The following USP22 variants were observed in gnomAD, a reference collection of about 807,000 sequenced individuals.
The protein encoded by USP22 is ubiquitin specific peptidase 22, also known as ubiquitin carboxyl-terminal hydrolase 22.
Under a neutral mutation model 68.1 loss-of-function variants are expected in USP22, and 22 were observed. The ratio of observed to expected loss-of-function variants is 0.32; its 90% confidence interval spans 0.23 to 0.46. The LOEUF is 0.46. Ranked by LOEUF, USP22 falls within the 20% of genes least tolerant of loss-of-function variation. The probability of loss-of-function intolerance (pLI) is 1.00; values close to 1 mark genes in which losing one functional copy is unlikely to be tolerated. For synonymous variants in USP22, 279 were observed against 274.2 expected (o/e 1.02, Z -0.17); for missense variants, 433 against 695.8 (o/e 0.62, Z 4.25).
intron 1 of USP22, among the ~76,000 whole-genome samples, chr17:21,034,694 C>T (rs1232451548): frequency 1.3e-5 from 2 of 151,978 alleles, no homozygotes; most frequent in Non-Finnish European, 2.9e-5. Flanking sequence ...GATGTGATCA[C>T]GGATAAAAGT....
chr17:21,028,737 C>T, intron 1 of USP22, 63 bp from the exon 2 acceptor site: 4 of 1,571,184 alleles, frequency 2.5e-6, no homozygotes, highest in Non-Finnish European at 3.4e-6. Flanking sequence ...TCAGAGGAAA[C>T]AGTCAAGCAA....
At chr17:21,036,521 G>C (rs538286874) in intron 1 of USP22, among the ~76,000 whole-genome samples, 1 of 19,714 alleles carries the variant, frequency 5.1e-5, no homozygotes, top group Non-Finnish European at 1.2e-4. Context: ...TGTACTGTAA[G>C]GGGGGGGGGG....
chr17:21,004,778 TGCGGGCAGCCAA>T lies in USP22; in HGVS notation c.1385+138_1385+149del. 1.3e-4 allele frequency: 11 copies of T among 86,516 alleles called. 2 individuals are homozygous for T. The highest frequency in any genetic ancestry group is 9.5e-4 in the South Asian group (2 of 2,096). The allele number at this position is 86,516 out of a possible 1,614,324, so 5.4% of individuals were successfully genotyped here. Reference sequence around the variant, plus strand: ...GTGGAGCGGCCTTTCCTAGTGGAGCTGCGGGCAGCCAATAGTGGAGCTGCGGGCAGCCAAGCG... The same window carrying T: ...GTGGAGCGGCCTTTCCTAGTGGAGCTTAGTGGAGCTGCGGGCAGCCAAGCG... On this transcript the variant is annotated intron_variant, in intron 11 of 12. Transcript: ENST00000261497.
intron 8 of USP22, 33 bp from the exon 9 acceptor site, chr17:21,008,029 G>C: frequency 6.2e-7 from 1 of 1,605,150 alleles, no homozygotes; most frequent in Middle Eastern, 1.8e-4. Flanking sequence ...GGAGCGGTAA[G>C]GGAGATGCAA....
At chr17:21,025,513 GA>G (rs1346497945) in intron 2 of USP22, among the ~76,000 whole-genome samples, 3 of 152,172 alleles carry the variant, frequency 2.0e-5, no homozygotes, top group Non-Finnish European at 4.4e-5. Context: ...ACATCCAAGA[GA>G]AATGAAAACA....
chr17:21,025,171 A>G (rs1053603837), intron 2 of USP22, among the ~76,000 whole-genome samples: 2 of 152,158 alleles, frequency 1.3e-5, no homozygotes, highest in Non-Finnish European at 2.9e-5. Context: ...GTGTATATAT[A>G]AAGAACAACA....
chr17:21,017,163 A>G (rs941560804), intron 5 of USP22, among the ~76,000 whole-genome samples: 1 of 152,216 alleles, frequency 6.6e-6, no homozygotes, highest in African/African-American at 2.4e-5. Context: ...CCTCTGTCCA[A>G]CTGCTCAACT....
In USP22 at chr17:21,015,646, G is replaced by A. The variant is rs889398627; in HGVS notation, c.838+106C>T. On this transcript the variant is annotated intron_variant, in intron 6 of 12. Coordinates refer to ENST00000261497, the MANE Select transcript of USP22 (RefSeq NM_015276.2). Reference sequence around the variant, plus strand: ...GGCTATGATGACAAAACAATGGAATGTGTCACCTGTGCCCCTTTTTGCACG... The same window carrying A: ...GGCTATGATGACAAAACAATGGAATATGTCACCTGTGCCCCTTTTTGCACG... 3.6e-6 allele frequency: 5 copies of A among 1,389,616 alleles called. No homozygotes were observed. The African/African-American group carries it at 4.4e-5, about 12-fold the overall frequency. 86.1% of individuals were successfully genotyped at this position (1,389,616 alleles called of 1,614,324 possible).
chr17:21,027,308 A>AAAAAAAAAAAAAAAAAAAAAAAC (rs1211048727), intron 2 of USP22, among the ~76,000 whole-genome samples: 1 of 144,480 alleles, frequency 6.9e-6, no homozygotes, highest in East Asian at 1.9e-4. Flanking sequence ...AAAAAAAAAA[A>AAAAAAAAAAAAAAAAAAAAAAAC]AATCAGACAC....
chr17:21,016,907 A>C (rs982760620), intron 5 of USP22, among the ~76,000 whole-genome samples: 1 of 152,146 alleles, frequency 6.6e-6, no homozygotes, highest in Non-Finnish European at 1.5e-5. Flanking sequence ...TGTGACTGTA[A>C]TTTACACCTT....
intron 2 of USP22, among the ~76,000 whole-genome samples, chr17:21,022,652 A>T (rs749721234): frequency 1.8e-4 from 28 of 152,194 alleles, no homozygotes; most frequent in Non-Finnish European, 2.6e-4. Flanking sequence ...ACAAAAAATT[A>T]GCCAGGCATG....
intron 4 of USP22, 60 bp downstream of exon 4, chr17:21,019,024 G>C (rs1972122255): frequency 1.3e-6 from 2 of 1,546,956 alleles, no homozygotes; most frequent in African/African-American, 2.7e-5. Flanking sequence ...CCACAATTCT[G>C]TATTTACTTT....
At chr17:21,039,907 T>C (rs1972404772) in intron 1 of USP22, among the ~76,000 whole-genome samples, 1 of 152,096 alleles carries the variant, frequency 6.6e-6, no homozygotes, top group East Asian at 1.9e-4. Flanking sequence ...GTTCATATCA[T>C]TAAAACCAAA....
chr17:21,018,664 C>T (rs1972117794), intron 4 of USP22, among the ~76,000 whole-genome samples: 2 of 151,786 alleles, frequency 1.3e-5, no homozygotes, highest in South Asian at 2.1e-4. Context: ...GTGAACTGTG[C>T]TCCAGCCTGG....
At chr17:21,014,557 C>G (rs1478314069) in intron 6 of USP22, among the ~76,000 whole-genome samples, 1 of 152,158 alleles carries the variant, frequency 6.6e-6, no homozygotes, top group Non-Finnish European at 1.5e-5. Flanking sequence ...AACCCAAAGT[C>G]ACATTTGACC....
At chr17:21,008,054 A>G in intron 8 of USP22, 58 bp from the exon 9 acceptor site, 1 of 1,576,324 alleles carries the variant, frequency 6.3e-7, no homozygotes, top group Non-Finnish European at 8.6e-7. Context: ...CAGAAAAATG[A>G]GAGGAAAGAG....
At chr17:21,018,455 C>CTTGTA (rs1212971303) in intron 4 of USP22, 2 of 184,638 alleles carry the variant, frequency 1.1e-5, no homozygotes, top group Admixed American at 1.1e-4. Flanking sequence ...GGGGCTCATA[C>CTTGTA]TTGTAACCCA....
intron 8 of USP22, among the ~76,000 whole-genome samples, chr17:21,009,277 A>G (rs1208328721): frequency 6.6e-6 from 1 of 152,158 alleles, no homozygotes; most frequent in Non-Finnish European, 1.5e-5. Context: ...CTGAAACACC[A>G]GCAAAAAATT....
At chr17:21,004,424 ACCAGGCAGC>A in intron 11 of USP22, 73 bp from the exon 12 acceptor site, 4 of 1,578,670 alleles carry the variant, frequency 2.5e-6, no homozygotes, top group Non-Finnish European at 3.5e-6. Context: ...ACCATCAGAA[ACCAGGCAGC>A]CCAGGCAGGG....
Sources: allele counts gnomAD v4.1 joint callset (sites outside exome capture counted in the v4.1 genomes callset), GRCh38; gene constraint gnomAD v4.1.1; transcripts MANE v1.5; gene names NCBI Gene and HGNC (gene_info 2026-07-23, HGNC 2026-07-21).